Variants in SKAP2 observed in about 807,000 individuals in gnomAD.
SKAP2 encodes the protein src kinase-associated phosphoprotein 2.
In SKAP2, 28 loss-of-function variants were observed where a neutral mutation model predicts 54.9. The observed-to-expected ratio is 0.51, with a 90% confidence interval of 0.38 to 0.70. SKAP2 has a LOEUF of 0.70. Ranked by LOEUF, SKAP2 falls within the 30% of genes least tolerant of loss-of-function variation. The pLI is 0.00. For synonymous variants in SKAP2, 137 were observed against 134.3 expected, an observed-to-expected ratio of 1.02 and a Z score of -0.14; for missense variants, 356 against 424.1, an observed-to-expected ratio of 0.84 and a Z score of 1.41.
At chr7:26,705,519 T>G (rs1787137566) in intron 9 of SKAP2, among the ~76,000 whole-genome samples, 1 of 152,200 alleles carries the variant, frequency 6.6e-6, no homozygotes, top group Middle Eastern at 3.2e-3. Context: ...CATGACTTAT[T>G]TACACCTATT....
At chr7:26,700,336 T>C (rs913210534) in intron 9 of SKAP2, among the ~76,000 whole-genome samples, 1 of 152,188 alleles carries the variant, frequency 6.6e-6, no homozygotes, top group Non-Finnish European at 1.5e-5. Flanking sequence ...CTAGTTAACA[T>C]AAAAGACTCT....
chr7:26,745,356 C>T (rs892862447), intron 4 of SKAP2, among the ~76,000 whole-genome samples: 22 of 152,212 alleles, frequency 1.4e-4, no homozygotes, highest in African/African-American at 4.3e-4. Context: ...AAAGAATAAA[C>T]TTCTCAACCA....
chr7:26,800,350 C>T (rs888812269), intron 4 of SKAP2, among the ~76,000 whole-genome samples: 15 of 152,008 alleles, frequency 9.9e-5, no homozygotes, highest in Non-Finnish European at 2.1e-4. Context: ...CACACCAAAA[C>T]CTATGTGATA....
chr7:26,801,748 C>A (rs1783919460), intron 4 of SKAP2, among the ~76,000 whole-genome samples: 1 of 151,902 alleles, frequency 6.6e-6, no homozygotes, highest in South Asian at 2.1e-4. Context: ...AAAAGTAATC[C>A]CATTTACAAT....
intron 4 of SKAP2, among the ~76,000 whole-genome samples, chr7:26,743,221 T>C (rs1003151405): frequency 6.6e-6 from 1 of 152,196 alleles, no homozygotes; most frequent in Non-Finnish European, 1.5e-5. Context: ...AGTTTTGCAC[T>C]GGGTCTTAGT....
intron 6 of SKAP2, among the ~76,000 whole-genome samples, chr7:26,729,733 T>C (rs1787783049): frequency 6.6e-6 from 1 of 151,860 alleles, no homozygotes; most frequent in Admixed American, 6.6e-5. Flanking sequence ...CAAAAGGGAG[T>C]ATGATAAATA....
At chr7:26,690,402 C>T in intron 9 of SKAP2, 40 bp from the exon 10 acceptor site, 1 of 1,337,348 alleles carries the variant, frequency 7.5e-7, no homozygotes, top group Non-Finnish European at 1.1e-6. Flanking sequence ...GAAGGGTTTT[C>T]TCAGGGATAA....
rs929212458 is a variant in SKAP2 at position 26,669,521 on chromosome 7, T to A, written c.*145A>T. 4 of 152,168 alleles carry A rather than the reference T, an allele frequency of 2.6e-5. No individual in the cohort carries two copies. Among genetic ancestry groups the A allele is most frequent in the African/African-American group, 9.7e-5 (4 of 41,432 alleles). 9.4% of individuals were successfully genotyped at this position (152,168 alleles called of 1,614,324 possible). A position where few individuals can be genotyped will look rare whatever the true frequency, so the allele number is the denominator to read the frequency against. ...ATTTCACATCAGAGGAATATTTTAA[T>A]GAGCGACTGCATAAAATAACAGTCA... On this transcript the variant is annotated 3_prime_UTR_variant, in exon 13 of 13. Coordinates refer to ENST00000345317, the MANE Select transcript of SKAP2 (RefSeq NM_003930.5).
chr7:26,765,900 C>T (rs138166608), intron 4 of SKAP2, among the ~76,000 whole-genome samples: 3 of 151,918 alleles, frequency 2.0e-5, no homozygotes, highest in Admixed American at 6.6e-5. Context: ...AGTCAGGTAG[C>T]GTGATGTCTC....
chr7:26,777,627 G>C (rs1783340342), intron 4 of SKAP2, among the ~76,000 whole-genome samples: 1 of 152,070 alleles, frequency 6.6e-6, no homozygotes, highest in Non-Finnish European at 1.5e-5. Context: ...ACCAATGTGG[G>C]AATATAAATG....
intron 9 of SKAP2, among the ~76,000 whole-genome samples, chr7:26,699,081 A>G (rs1786964861): frequency 6.6e-6 from 1 of 152,224 alleles, no homozygotes; most frequent in African/African-American, 2.4e-5. Context: ...TCCATTCAAC[A>G]AAGTGCAAGA....
At chr7:26,806,860 A>G (rs938069208) in intron 4 of SKAP2, among the ~76,000 whole-genome samples, 1 of 152,212 alleles carries the variant, frequency 6.6e-6, no homozygotes, top group Non-Finnish European at 1.5e-5. Context: ...AATCTAGCAG[A>G]GGTTGGTTCA....
At chr7:26,663,977 A>G (rs887263636), downstream of SKAP2, among the ~76,000 whole-genome samples, 4 of 152,176 alleles carry the variant, frequency 2.6e-5, no homozygotes, top group African/African-American at 9.7e-5. Context: ...CAGCTATCCA[A>G]TTGTCAATTA....
chr7:26,692,147 A>G (rs1786799071), intron 9 of SKAP2, among the ~76,000 whole-genome samples: 1 of 152,114 alleles, frequency 6.6e-6, no homozygotes, highest in African/African-American at 2.4e-5. Flanking sequence ...TATAAGAGGT[A>G]AAGGAACTAG....
intron 4 of SKAP2, among the ~76,000 whole-genome samples, chr7:26,804,533 G>A (rs1783983669): frequency 6.6e-6 from 1 of 152,162 alleles, no homozygotes. Flanking sequence ...AAGGTCAGGA[G>A]ATTGAGACCA....
intron 4 of SKAP2, among the ~76,000 whole-genome samples, chr7:26,785,201 G>GTT (rs910718480): frequency 1.3e-5 from 2 of 150,736 alleles, no homozygotes; most frequent in Admixed American, 6.6e-5. Flanking sequence ...TTTTTTGTTT[G>GTT]TTTTTTTTTA....
intron 9 of SKAP2, among the ~76,000 whole-genome samples, chr7:26,710,406 C>G (rs572266200): frequency 9.9e-4 from 151 of 152,242 alleles, no homozygotes; most frequent in Non-Finnish European, 1.8e-3. Flanking sequence ...CTCAGAGAAG[C>G]AGAGGTCACT....
intron 4 of SKAP2, among the ~76,000 whole-genome samples, chr7:26,814,982 T>C (rs1278350274): frequency 6.6e-6 from 1 of 152,182 alleles, no homozygotes; most frequent in Non-Finnish European, 1.5e-5. Context: ...TAGGCTATTC[T>C]TTTTAATTAC....
rs747001174 is a variant in SKAP2 at position 26,735,421 on chromosome 7, A to G, written c.469+3374T>C. 7.4e-4 allele frequency among the ~76,000 whole-genome samples: 113 copies of G among 152,200 alleles called. 2 individuals carry two copies. The highest frequency in any genetic ancestry group is 7.9e-4 in the Admixed American group (12 of 15,276). ...ACTTAAGGGTCCCAAATGGCTATAAATAATAAATACAGACAATATTTATTG... is the reference window on the plus strand; with the variant it reads ...ACTTAAGGGTCCCAAATGGCTATAAGTAATAAATACAGACAATATTTATTG... On this transcript the variant is annotated intron_variant, in intron 6 of 12. Transcript: ENST00000345317.
Sources: gnomAD v4.1 joint callset for allele counts (sites outside exome capture counted in the v4.1 genomes callset) on GRCh38, gnomAD v4.1.1 for gene constraint, MANE v1.5 for transcripts, NCBI Gene and HGNC (gene_info 2026-07-23, HGNC 2026-07-21) for gene names.